The following COL23A1 variants were observed in gnomAD, a reference collection of about 807,000 sequenced individuals.
The protein encoded by COL23A1 is collagen alpha-1(XXIII) chain.
In COL23A1, 97 loss-of-function variants were observed where a neutral mutation model predicts 99.3. The observed-to-expected ratio is 0.98, with a 90% CI of 0.83 to 1.16. The LOEUF (loss-of-function observed/expected upper bound fraction) is 1.16. Ranked by LOEUF, COL23A1 falls within the 50% of genes most tolerant of loss-of-function variation. The pLI is 0.00. For synonymous variants in COL23A1, 320 were observed against 308.2 expected (o/e 1.04, Z -0.40); for missense variants, 762 against 757.4 (o/e 1.01, Z -0.07).
At position 178,255,930 on chromosome 5, in the gene COL23A1, T is replaced by G; in HGVS notation, c.882+423A>C. ...GTTGATAGGGGCTGGTCACAAAAGA[T>G]CTGGGGCAGGCTGGGGTGCTGTGCT... On this transcript the variant is annotated intron_variant, in intron 15 of 28. Coordinates refer to ENST00000390654, the MANE Select transcript of COL23A1 (RefSeq NM_173465.4). This position sits in a 1 kb window ranked among gnomAD's most constrained non-coding sequence, Gnocchi z 4.2. 1 of 265,930 alleles carries G rather than the reference T, an allele frequency of 3.8e-6. No homozygotes were observed. Among genetic ancestry groups the G allele is most frequent in the South Asian group, 3.2e-5 (1 of 31,098 alleles). The allele number at this position is 265,930 out of a possible 1,614,324, so 16.5% of individuals were successfully genotyped here. A position where few individuals can be genotyped will look rare whatever the true frequency, so the allele number is the denominator to read the frequency against.
chr5:178,353,953 A>C (rs559147483), intron 2 of COL23A1, among the ~76,000 whole-genome samples: 9,027 of 140,368 alleles, frequency 0.064, 556 homozygotes, highest in African/African-American at 0.15. Flanking sequence ...AAAAAAAAAA[A>C]ACCAAAAAAA....
intron 2 of COL23A1, among the ~76,000 whole-genome samples, chr5:178,404,557 C>T (rs570189744): frequency 1.7e-5 from 1 of 59,276 alleles, no homozygotes; most frequent in South Asian, 9.1e-4. Context: ...ACAGCTGATT[C>T]CTTATGGTGA....
chr5:178,461,212 C>G (rs1756103541), intron 2 of COL23A1, among the ~76,000 whole-genome samples: 1 of 152,232 alleles, frequency 6.6e-6, no homozygotes, highest in Non-Finnish European at 1.5e-5. Context: ...GGACTCTCCA[C>G]AGGAGCATCA....
chr5:178,465,239 G>A (rs536249856), intron 2 of COL23A1, among the ~76,000 whole-genome samples: 7 of 152,184 alleles, frequency 4.6e-5, no homozygotes, highest in African/African-American at 7.2e-5. Flanking sequence ...ACGCTGACAG[G>A]TGAAAGCTTC....
At chr5:178,301,338 GCTTTC>G (rs1758021020) in intron 3 of COL23A1, among the ~76,000 whole-genome samples, 1 of 152,114 alleles carries the variant, frequency 6.6e-6, no homozygotes, top group African/African-American at 2.4e-5. Context: ...TGATTCTCAT[GCTTTC>G]CTTTATTTCT....
intron 1 of COL23A1, among the ~76,000 whole-genome samples, chr5:178,584,010 G>GCGCCA (rs1562112680): frequency 6.6e-6 from 1 of 152,060 alleles, no homozygotes; most frequent in Non-Finnish European, 1.5e-5. Flanking sequence ...CTACAGGCTT[G>GCGCCA]CGCCACCATG....
chr5:178,261,441 A>G (rs1236429126), intron 11 of COL23A1, among the ~76,000 whole-genome samples: 1 of 152,086 alleles, frequency 6.6e-6, no homozygotes, highest in African/African-American at 2.4e-5. Flanking sequence ...AAAAAAAAGG[A>G]AAATCTATTT....
At chr5:178,293,907 A>C (rs1337029031) in intron 3 of COL23A1, among the ~76,000 whole-genome samples, 1 of 151,984 alleles carries the variant, frequency 6.6e-6, no homozygotes, top group Non-Finnish European at 1.5e-5. Flanking sequence ...AGAGGAGAGG[A>C]GGCCACGGAG....
chr5:178,498,253 T>TATATACAC (rs1758332052), intron 2 of COL23A1, among the ~76,000 whole-genome samples: 2 of 59,254 alleles, frequency 3.4e-5, no homozygotes, highest in Non-Finnish European at 5.4e-5. Context: ...TATATATATA[T>TATATACAC]ATATAAAAGA....
intron 2 of COL23A1, among the ~76,000 whole-genome samples, chr5:178,414,696 C>T (rs954245635): frequency 1.3e-5 from 2 of 152,132 alleles, no homozygotes; most frequent in Non-Finnish European, 1.5e-5. Context: ...CACTTGAACC[C>T]GGGAGGCGGA....
At chr5:178,393,030 C>T (rs889716841) in intron 2 of COL23A1, among the ~76,000 whole-genome samples, 1 of 152,196 alleles carries the variant, frequency 6.6e-6, no homozygotes, top group Admixed American at 6.5e-5. Flanking sequence ...AGGACAAGAG[C>T]CCAAGGACCC....
intron 2 of COL23A1, among the ~76,000 whole-genome samples, chr5:178,511,906 T>G (rs906589536): frequency 1.3e-5 from 2 of 152,224 alleles, no homozygotes; most frequent in Admixed American, 1.3e-4. Context: ...AAATTTTAAT[T>G]GGTACCACTC....
chr5:178,444,189 T>G (rs1280498245), intron 2 of COL23A1, among the ~76,000 whole-genome samples: 1 of 152,078 alleles, frequency 6.6e-6, no homozygotes, highest in Non-Finnish European at 1.5e-5. Flanking sequence ...CAGAGCAAGA[T>G]TCTGTCTCAA....
chr5:178,382,269 G>T (rs1265182421), intron 2 of COL23A1, among the ~76,000 whole-genome samples: 2 of 152,206 alleles, frequency 1.3e-5, no homozygotes, highest in African/African-American at 4.8e-5. Flanking sequence ...ATTGCCTGGA[G>T]GGAGTGTCAG....
chr5:178,357,768 GTATGTGTGTA>G (rs1360348874), intron 2 of COL23A1, among the ~76,000 whole-genome samples: 5 of 147,704 alleles, frequency 3.4e-5, no homozygotes, highest in African/African-American at 1.3e-4. Flanking sequence ...GTACGTGTAT[GTATGTGTGTA>G]TGTGTATGTG....
chr5:178,314,635 G>T (rs573871708), intron 2 of COL23A1, among the ~76,000 whole-genome samples: 2 of 152,178 alleles, frequency 1.3e-5, no homozygotes, highest in Non-Finnish European at 2.9e-5. Flanking sequence ...GCCTGCAACA[G>T]TGTTTAATAA....
intron 2 of COL23A1, among the ~76,000 whole-genome samples, chr5:178,486,772 G>C (rs1011938690): frequency 6.6e-6 from 1 of 152,212 alleles, no homozygotes; most frequent in African/African-American, 2.4e-5. Flanking sequence ...AAGTGAGTAG[G>C]ACCAGTTGGA....
At chr5:178,314,836 A>G (rs1758893930) in intron 2 of COL23A1, among the ~76,000 whole-genome samples, 1 of 152,172 alleles carries the variant, frequency 6.6e-6, no homozygotes, top group Non-Finnish European at 1.5e-5. Context: ...GTACGCTGGT[A>G]GCCGGTAGAG....
intron 2 of COL23A1, among the ~76,000 whole-genome samples, chr5:178,399,422 T>G (rs1764318595): frequency 6.6e-6 from 1 of 152,184 alleles, no homozygotes; most frequent in Non-Finnish European, 1.5e-5. Context: ...GTCCAACACT[T>G]TTACATTTTG....
Sources: gnomAD v4.1 joint callset for allele counts (sites outside exome capture counted in the v4.1 genomes callset) on GRCh38, gnomAD v4.1.1 for gene constraint, Gnocchi (gnomAD v3.1) non-coding constraint, MANE v1.5 for transcripts, NCBI Gene and HGNC (gene_info 2026-07-23, HGNC 2026-07-21) for gene names.